Variants in CYSLTR1 observed in about 807,000 individuals in gnomAD.
CYSLTR1 encodes the protein G-protein coupled receptor HG55.
Under a neutral mutation model 2.1 loss-of-function variants are expected in CYSLTR1, and 1 was observed. The observed-to-expected ratio is 0.48, with a 90% CI of 0.17 to 2.28. The LOEUF (loss-of-function observed/expected upper bound fraction) is 2.28. Among genes scored for constraint, CYSLTR1 ranks in the 30% most tolerant of loss-of-function variants. The pLI is 0.26. For synonymous variants in CYSLTR1, 110 were observed against 89.6 expected (o/e 1.23, Z -1.28); for missense variants, 299 against 250.1 (o/e 1.20, Z -1.32).
At position 78,281,175 on chromosome X, in the gene CYSLTR1, T is replaced by A. The variant is rs367868693; in HGVS notation, c.-28+2279A>T. Among the ~76,000 whole-genome samples the A allele has an allele frequency of 1.3e-4, 14 of 111,776 alleles. No individual in the cohort carries two copies. The East Asian group carries it at 2.5e-3, about 20-fold the overall frequency. On this transcript the variant is annotated intron_variant, in intron 2 of 2. Coordinates refer to ENST00000373304, the MANE Select transcript of CYSLTR1 (RefSeq NM_006639.4). ...GGAATTGCCACACTACTTTCTACAA[T>A]GGCTGACCTAATTTACACTCCCACC...
At chrX:78,275,224 A>T (rs1201785692) in intron 2 of CYSLTR1, among the ~76,000 whole-genome samples, 1 of 112,017 alleles carries the variant, frequency 8.9e-6, no homozygotes. Flanking sequence ...CCATCCCATT[A>T]CTGGGTATAT....
intron 1 of CYSLTR1, among the ~76,000 whole-genome samples, chrX:78,284,680 G>T (rs1347651934): frequency 9.3e-6 from 1 of 107,234 alleles, no homozygotes; most frequent in Non-Finnish European, 1.9e-5. Flanking sequence ...GGGACTGCAG[G>T]CATGAGCCAC....
intron 1 of CYSLTR1, among the ~76,000 whole-genome samples, chrX:78,299,743 T>G (rs1259768593): frequency 9.0e-6 from 1 of 111,572 alleles, no homozygotes; most frequent in Non-Finnish European, 1.9e-5. Flanking sequence ...TCTGAAAATT[T>G]TGATTATTAA....
At chrX:78,308,535 C>A (rs192860990) in intron 1 of CYSLTR1, among the ~76,000 whole-genome samples, 2 of 111,302 alleles carry the variant, frequency 1.8e-5, no homozygotes, top group East Asian at 5.6e-4. Flanking sequence ...CTGACAAGAT[C>A]AGCTTATATT....
chrX:78,287,702 T>C (rs754138685), intron 1 of CYSLTR1, among the ~76,000 whole-genome samples: 1 of 111,677 alleles, frequency 9.0e-6, no homozygotes, highest in Admixed American at 9.6e-5. Flanking sequence ...TCCATTTATA[T>C]AAAATTCTAG....
intron 1 of CYSLTR1, among the ~76,000 whole-genome samples, chrX:78,313,366 G>C (rs1027720713): frequency 9.0e-6 from 1 of 111,137 alleles, no homozygotes; most frequent in African/African-American, 3.3e-5. Flanking sequence ...TGGGTACTAT[G>C]TTCCCTACCT....
In CYSLTR1 at chrX:78,272,497, G is replaced by A. The variant is rs1921308912; in HGVS notation, c.*236C>T. Reference sequence around the variant, plus strand: ...AAGATAAAAATATTCTCCAAATTCTGGTGAGTGGTCAAAATTATTTATAAT... The same window carrying A: ...AAGATAAAAATATTCTCCAAATTCTAGTGAGTGGTCAAAATTATTTATAAT... On this transcript the variant is annotated 3_prime_UTR_variant, in exon 3 of 3. Coordinates refer to ENST00000373304, the MANE Select transcript of CYSLTR1 (RefSeq NM_006639.4). The A allele has an allele frequency of 7.8e-6, 2 of 255,460 alleles. No homozygotes were observed. The highest frequency in any genetic ancestry group is 6.9e-6 in the Non-Finnish European group (1 of 144,515). 21.1% of individuals were successfully genotyped at this position (255,460 alleles called of 1,213,427 possible). A position where few individuals can be genotyped will look rare whatever the true frequency, so the allele number is the denominator to read the frequency against.
chrX:78,315,956 C>T (rs1353404015), intron 1 of CYSLTR1, among the ~76,000 whole-genome samples: 1 of 112,063 alleles, frequency 8.9e-6, no homozygotes, highest in East Asian at 2.8e-4. Flanking sequence ...TGGGGTGATA[C>T]CCAGTGCTGT....
At chrX:78,274,240 A>G (rs1273343960) in intron 2 of CYSLTR1, among the ~76,000 whole-genome samples, 1 of 111,613 alleles carries the variant, frequency 9.0e-6, no homozygotes, top group Non-Finnish European at 1.9e-5. Context: ...GCTCCCAAAA[A>G]GAGCCCACAT....
chrX:78,275,980 A>C (rs1921574017), intron 2 of CYSLTR1, among the ~76,000 whole-genome samples: 1 of 112,317 alleles, frequency 8.9e-6, no homozygotes, highest in Non-Finnish European at 1.9e-5. Flanking sequence ...GTGATAAAAT[A>C]CATTTCTAAA....
intron 1 of CYSLTR1, among the ~76,000 whole-genome samples, chrX:78,284,050 A>G (rs1921950894): frequency 8.9e-6 from 1 of 112,374 alleles, no homozygotes; most frequent in African/African-American, 3.2e-5. Flanking sequence ...TTCTCCTTAT[A>G]AACTATAATA....
At chrX:78,306,525 TATAA>T (rs768472593) in intron 1 of CYSLTR1, among the ~76,000 whole-genome samples, 3 of 111,961 alleles carry the variant, frequency 2.7e-5, no homozygotes, top group East Asian at 5.6e-4. Flanking sequence ...TGCCCTGTTT[TATAA>T]ATAAAGACTT....
At chrX:78,315,868 G>T (rs1217110056) in intron 1 of CYSLTR1, among the ~76,000 whole-genome samples, 1 of 111,964 alleles carries the variant, frequency 8.9e-6, no homozygotes, top group Non-Finnish European at 1.9e-5. Context: ...GCCTGGCTGG[G>T]TTTACCACCT....
At chrX:78,323,023 G>A (rs915603952) in intron 1 of CYSLTR1, among the ~76,000 whole-genome samples, 1 of 111,888 alleles carries the variant, frequency 8.9e-6, no homozygotes, top group African/African-American at 3.3e-5. Context: ...TTAAAAGGAT[G>A]CATAAGACCA....
chrX:78,301,337 A>T (rs1372332278), intron 1 of CYSLTR1, among the ~76,000 whole-genome samples: 1 of 111,986 alleles, frequency 8.9e-6, no homozygotes, highest in East Asian at 2.8e-4. Context: ...AAATTTTCTG[A>T]CCTTTTATGC....
chrX:78,309,257 T>C (rs34607276), intron 1 of CYSLTR1, among the ~76,000 whole-genome samples: 1,797 of 111,408 alleles, frequency 0.016, 21 homozygotes, highest in Non-Finnish European at 0.027. Flanking sequence ...ACCACATTGA[T>C]CACACCTTCT....
chrX:78,277,045 C>T (rs1921622446), intron 2 of CYSLTR1, among the ~76,000 whole-genome samples: 1 of 111,303 alleles, frequency 9.0e-6, no homozygotes, highest in African/African-American at 3.3e-5. Flanking sequence ...GAGAACTTCT[C>T]AGAGAGTTGG....
intron 1 of CYSLTR1, among the ~76,000 whole-genome samples, chrX:78,311,449 G>A (rs1247661824): frequency 9.0e-6 from 1 of 111,718 alleles, no homozygotes; most frequent in Non-Finnish European, 1.9e-5. Context: ...GGACAATGGA[G>A]TAAGGAAGTT....
At chrX:78,274,825 C>T (rs1408314374) in intron 2 of CYSLTR1, among the ~76,000 whole-genome samples, 1 of 111,253 alleles carries the variant, frequency 9.0e-6, no homozygotes, top group African/African-American at 3.3e-5. Context: ...TTGCAATCTA[C>T]TCATCTGACA....
Sources: allele counts gnomAD v4.1 joint callset (sites outside exome capture counted in the v4.1 genomes callset), GRCh38; gene constraint gnomAD v4.1.1; transcripts MANE v1.5; gene names NCBI Gene and HGNC (gene_info 2026-07-23, HGNC 2026-07-21).